AGAP1: variants seen among roughly 807,000 people sequenced by gnomAD.
AGAP1 encodes the protein ArfGAP with GTPase domain, ankyrin repeat and PH domain 1.
Under a neutral mutation model 105.3 loss-of-function variants are expected in AGAP1, and 29 were observed. The observed-to-expected ratio is 0.28, with a 90% CI of 0.21 to 0.38. The LOEUF is 0.38. Ranked by LOEUF, AGAP1 falls within the 10% of genes least tolerant of loss-of-function variation. The pLI is 1.00. For synonymous variants in AGAP1, 509 were observed against 485.9 expected (o/e 1.05, Z -0.63); for missense variants, 998 against 1,165.1 (o/e 0.86, Z 2.09).
In AGAP1 at chr2:235,866,037, T is replaced by G. The variant is rs2049153869; in HGVS notation, c.1051-17308T>G. Among the ~76,000 whole-genome samples the G allele has an allele frequency of 6.6e-6, 1 of 152,180 alleles. No individual in the cohort carries two copies. Among genetic ancestry groups the G allele is most frequent in the Admixed American group, 6.5e-5 (1 of 15,282 alleles). On this transcript the variant is annotated intron_variant, in intron 9 of 17. Transcript: ENST00000304032. This position sits in a 1 kb window ranked among gnomAD's most constrained non-coding sequence, Gnocchi z 6.1. ...GTCTGTGTATCTGCGGTCTGGTCAT[T>G]TTTGCCACACTTGATTTTTTTCTGC...
chr2:236,042,579 C>G lies in AGAP1; in HGVS notation c.1891+1738C>G, dbSNP rs2057582762. On this transcript the variant is annotated intron_variant, in intron 15 of 17. Coordinates refer to ENST00000304032, the MANE Select transcript of AGAP1 (RefSeq NM_001037131.3). This position sits in a 1 kb window ranked among gnomAD's most constrained non-coding sequence, Gnocchi z 5.6. The stretch of plus-strand genomic sequence containing the variant: ...GAACATCCATTAAGGAAAATGCCTG[C>G]AGTTGTTTCCACCGTGCGTCTGAAG... 6.6e-6 allele frequency among the ~76,000 whole-genome samples: 1 copy of G among 152,126 alleles called. No individual in the cohort carries two copies. The highest frequency in any genetic ancestry group is 1.5e-5 in the Non-Finnish European group (1 of 68,028).
At position 236,129,479 on chromosome 2, in the gene AGAP1, C is replaced by T. The variant is rs2060054212; in HGVS notation, c.*5357C>T. 6.6e-6 allele frequency: 1 copy of T among 152,240 alleles called. No homozygotes were observed. 9.4% of individuals were successfully genotyped at this position (152,240 alleles called of 1,614,324 possible). ...ACAGTCCTCAGACTGGTCCTTCCGA[C>T]ACAGGCAGAGAGTGAACTGGATCGC... On this transcript the variant is annotated 3_prime_UTR_variant, in exon 18 of 18. Coordinates refer to ENST00000304032, the MANE Select transcript of AGAP1 (RefSeq NM_001037131.3). The surrounding 1 kb of genome is among the most constrained non-coding windows in gnomAD (Gnocchi z 6.2).
At chr2:235,932,629 T>C (rs1410340725) in intron 12 of AGAP1, among the ~76,000 whole-genome samples, 1 of 152,144 alleles carries the variant, frequency 6.6e-6, no homozygotes, top group Non-Finnish European at 1.5e-5. Flanking sequence ...GTGAGAGTAG[T>C]CTAGGTGCCA....
At chr2:235,756,517 C>T (rs1344267442) in intron 6 of AGAP1, among the ~76,000 whole-genome samples, 2 of 152,084 alleles carry the variant, frequency 1.3e-5, no homozygotes, top group Admixed American at 6.6e-5. Context: ...CCAAGCAGCT[C>T]GATGCCCTTT....
intron 10 of AGAP1, among the ~76,000 whole-genome samples, chr2:235,894,113 G>A (rs1156853766): frequency 2.0e-5 from 3 of 152,194 alleles, no homozygotes; most frequent in African/African-American, 7.2e-5. Flanking sequence ...ACAAAGATCT[G>A]GAACTATGGC....
Position 235,864,776 on chromosome 2 carries a change from C to T in AGAP1, c.1051-18569C>T, listed in dbSNP as rs1378061033. 6.6e-6 allele frequency among the ~76,000 whole-genome samples: 1 copy of T among 152,126 alleles called. No homozygotes were observed. The highest frequency in any genetic ancestry group is 1.5e-5 in the Non-Finnish European group (1 of 68,010). ...CTTAGTTTCCTTTTCCTTTTCTTTTCTTTCCTTTGGATGGAGGAGGTTTGG... is the reference window on the plus strand; with the variant it reads ...CTTAGTTTCCTTTTCCTTTTCTTTTTTTTCCTTTGGATGGAGGAGGTTTGG... On this transcript the variant is annotated intron_variant, in intron 9 of 17. Transcript: ENST00000304032. The surrounding 1 kb of genome is among the most constrained non-coding windows in gnomAD (Gnocchi z 5.0).
At chr2:235,954,516 G>C (rs2053867132) in intron 12 of AGAP1, among the ~76,000 whole-genome samples, 1 of 149,640 alleles carries the variant, frequency 6.7e-6, no homozygotes, top group Admixed American at 6.7e-5. Context: ...TCATCTTTTG[G>C]CGGAAGTGAC....
rs1209593590 is a variant in AGAP1 at position 236,046,247 on chromosome 2, G to A, written c.1892-2812G>A. Among the ~76,000 whole-genome samples the A allele has an allele frequency of 6.6e-6, 1 of 152,184 alleles. No individual in the cohort carries two copies. The highest frequency in any genetic ancestry group is 1.5e-5 in the Non-Finnish European group (1 of 68,030). ...CACTCGGTGATGGGCTGGATGCTGG[G>A]ACATAAGGGAGCAGGAGAGGTGCTA... On this transcript the variant is annotated intron_variant, in intron 15 of 17. Coordinates refer to ENST00000304032, the MANE Select transcript of AGAP1 (RefSeq NM_001037131.3). The surrounding 1 kb of genome is among the most constrained non-coding windows in gnomAD (Gnocchi z 5.2).
chr2:235,999,305 GTGA>G (rs142097255), intron 13 of AGAP1, among the ~76,000 whole-genome samples: 38,739 of 136,628 alleles, frequency 0.28, 5,774 homozygotes, highest in South Asian at 0.41. Context: ...GGTGGTGATG[GTGA>G]TGGTGGTGGT....
intron 1 of AGAP1, among the ~76,000 whole-genome samples, chr2:235,497,968 G>T (rs548919802): frequency 1.3e-5 from 2 of 152,262 alleles, no homozygotes; most frequent in East Asian, 3.9e-4. Context: ...CCCACATTTG[G>T]CTGCACCCTA....
At position 235,983,893 on chromosome 2, in the gene AGAP1, A is replaced by C. The variant is rs377426495; in HGVS notation, c.1645+15270A>C. On this transcript the variant is annotated intron_variant, in intron 13 of 17. Transcript: ENST00000304032. The surrounding 1 kb of genome is among the most constrained non-coding windows in gnomAD (Gnocchi z 4.5). Reference sequence around the variant, plus strand: ...ATGCATCACTTAACGATGGGGATACATGGCTGTATGTAACATAAAATTTGC... The same window carrying C: ...ATGCATCACTTAACGATGGGGATACCTGGCTGTATGTAACATAAAATTTGC... Among the ~76,000 whole-genome samples the C allele has an allele frequency of 3.3e-5, 5 of 152,346 alleles. No individual in the cohort carries two copies. Among genetic ancestry groups the C allele is most frequent in the East Asian group, 3.9e-4 (2 of 5,178 alleles).
In AGAP1 at chr2:236,119,424, C is replaced by G. The variant is rs74758952; in HGVS notation, c.2115-768C>G. Among the ~76,000 whole-genome samples the G allele has an allele frequency of 1.1e-4, 17 of 152,184 alleles. No homozygotes were observed. The highest frequency in any genetic ancestry group is 4.1e-4 in the African/African-American group (17 of 41,424). ...CTGCTAAACCTCCTCATTGGAGTCTCCACCCTCTCCTGCGTGAGTCTGTTG... is the reference window on the plus strand; with the variant it reads ...CTGCTAAACCTCCTCATTGGAGTCTGCACCCTCTCCTGCGTGAGTCTGTTG... On this transcript the variant is annotated intron_variant, in intron 16 of 17. Transcript: ENST00000304032. This position sits in a 1 kb window ranked among gnomAD's most constrained non-coding sequence, Gnocchi z 6.6.
chr2:235,523,921 C>G (rs1273176095), intron 1 of AGAP1, among the ~76,000 whole-genome samples: 2 of 151,574 alleles, frequency 1.3e-5, no homozygotes, highest in African/African-American at 4.9e-5. Context: ...GCCTCCTCAT[C>G]CCTCCAGTAG....
chr2:235,785,800 C>T (rs1334349335), intron 6 of AGAP1, among the ~76,000 whole-genome samples: 1 of 152,104 alleles, frequency 6.6e-6, no homozygotes, highest in Non-Finnish European at 1.5e-5. Flanking sequence ...CATAGTTTAT[C>T]GTATTCCTTT....
At chr2:235,607,542 C>T (rs73996190) in intron 1 of AGAP1, among the ~76,000 whole-genome samples, 3,538 of 152,334 alleles carry the variant, frequency 0.023, 116 homozygotes, top group African/African-American at 0.078. Flanking sequence ...TGGGTGTCCA[C>T]TGTCAGAGGA....
At chr2:235,800,883 C>T (rs1175248683) in intron 8 of AGAP1, among the ~76,000 whole-genome samples, 1 of 152,232 alleles carries the variant, frequency 6.6e-6, no homozygotes, top group African/African-American at 2.4e-5. Flanking sequence ...AACCATCTGA[C>T]TTCCATTTTG....
intron 1 of AGAP1, among the ~76,000 whole-genome samples, chr2:235,501,556 C>T (rs1941562797): frequency 6.6e-6 from 1 of 152,146 alleles, no homozygotes; most frequent in Non-Finnish European, 1.5e-5. Context: ...CTGCAGGAAC[C>T]TTCAAAACAA....
At chr2:235,606,778 G>A (rs777207675) in intron 1 of AGAP1, among the ~76,000 whole-genome samples, 6 of 151,916 alleles carry the variant, frequency 3.9e-5, no homozygotes, top group Non-Finnish European at 8.8e-5. Context: ...GTGAAACCCC[G>A]TCTCTACTAA....
At chr2:235,497,331 AC>A (rs1434275259) in intron 1 of AGAP1, among the ~76,000 whole-genome samples, 1 of 152,200 alleles carries the variant, frequency 6.6e-6, no homozygotes, top group Non-Finnish European at 1.5e-5. Flanking sequence ...CTGGAACATC[AC>A]AGTAACTGCA....
Sources: gnomAD v4.1 joint callset for allele counts (sites outside exome capture counted in the v4.1 genomes callset) on GRCh38, gnomAD v4.1.1 for gene constraint, Gnocchi (gnomAD v3.1) non-coding constraint, MANE v1.5 for transcripts, NCBI Gene and HGNC (gene_info 2026-07-23, HGNC 2026-07-21) for gene names.